LINGO2: variants seen among roughly 807,000 people sequenced by gnomAD.
LINGO2 encodes leucine-rich repeat and immunoglobulin-like domain-containing nogo receptor-interacting protein 2.
LINGO2 carries 14 observed loss-of-function variants against 30.6 expected under a neutral mutation model. The ratio of observed to expected loss-of-function variants is 0.46; its 90% CI spans 0.30 to 0.72. The LOEUF (loss-of-function observed/expected upper bound fraction) is 0.72, where lower values mean the gene tolerates loss of function less well. LINGO2 is among the 30% of genes least tolerant of loss of function. The pLI is 0.07. For missense variants in LINGO2, 729 were observed against 751.7 expected (o/e 0.97, Z 0.35); for synonymous variants, 317 against 288.5 (o/e 1.10, Z -1.00).
chr9:28,040,055 G>A (rs990965772), intron 4 of LINGO2, among the ~76,000 whole-genome samples: 1 of 152,198 alleles, frequency 6.6e-6, no homozygotes, highest in Non-Finnish European at 1.5e-5. Context: ...TTCATCCTGG[G>A]AGACTTTTTC....
At chr9:28,783,624 T>A in the LINGO2 span, among the ~76,000 whole-genome samples, 1 of 151,956 alleles carries the variant, frequency 6.6e-6, no homozygotes, top group Non-Finnish European at 1.5e-5. Context: ...GTTAGCAAAA[T>A]CTACACTGAG....
intron 3 of LINGO2, among the ~76,000 whole-genome samples, chr9:28,309,619 C>A (rs1587440383): frequency 6.7e-6 from 1 of 150,322 alleles, no homozygotes; most frequent in Non-Finnish European, 1.5e-5. Flanking sequence ...TTAGGGTAAG[C>A]TAAGATTAAT....
the LINGO2 span, among the ~76,000 whole-genome samples, chr9:29,018,277 G>C: frequency 6.6e-6 from 1 of 151,494 alleles, no homozygotes; most frequent in Non-Finnish European, 1.5e-5. Context: ...TAAAATAACA[G>C]AGCAACAGAG....
At chr9:28,005,807 G>A (rs1822237386) in intron 5 of LINGO2, among the ~76,000 whole-genome samples, 1 of 151,824 alleles carries the variant, frequency 6.6e-6, no homozygotes, top group Non-Finnish European at 1.5e-5. Context: ...CCAAGACAGA[G>A]CAGAGGAGAA....
At chr9:28,390,033 A>T (rs529758665) in intron 2 of LINGO2, among the ~76,000 whole-genome samples, 1 of 151,264 alleles carries the variant, frequency 6.6e-6, no homozygotes, top group East Asian at 1.9e-4. Flanking sequence ...ATAGTTACTT[A>T]TTTTTTTTTA....
At chr9:28,085,941 T>C (rs777216180) in intron 4 of LINGO2, among the ~76,000 whole-genome samples, 28 of 152,068 alleles carry the variant, frequency 1.8e-4, no homozygotes, top group Non-Finnish European at 3.4e-4. Context: ...TAAATCATTA[T>C]GTGAAACAAG....
the LINGO2 span, among the ~76,000 whole-genome samples, chr9:29,047,790 T>C: frequency 6.6e-6 from 1 of 152,104 alleles, no homozygotes; most frequent in East Asian, 1.9e-4. Context: ...GGATACAAAA[T>C]CAACATACAA....
chr9:28,417,379 ACATATTTTATTTG>A, intron 2 of LINGO2, among the ~76,000 whole-genome samples: 1 of 152,120 alleles, frequency 6.6e-6, no homozygotes, highest in Non-Finnish European at 1.5e-5. Context: ...GATCACTTTA[ACATATTTTATTTG>A]TTATTTATCC....
the LINGO2 span, among the ~76,000 whole-genome samples, chr9:28,975,627 G>A: frequency 1.3e-5 from 2 of 152,066 alleles, no homozygotes; most frequent in African/African-American, 4.8e-5. Context: ...GTTTCATTAT[G>A]CAGAATTATA....
the LINGO2 span, among the ~76,000 whole-genome samples, chr9:28,833,376 T>G: frequency 1.3e-5 from 2 of 152,188 alleles, no homozygotes; most frequent in African/African-American, 2.4e-5. Context: ...GGACAGTCTA[T>G]AGAAAATCAT....
rs763522694 is a variant in LINGO2, at chr9:28,003,342, T to TATATATATAG, written c.-36+9012_-36+9013insCTATATATAT. Among the ~76,000 whole-genome samples the TATATATATAG allele has an allele frequency of 1.6e-4, 22 of 141,732 alleles. No individual in the cohort carries two copies. In the South Asian group the frequency reaches 3.9e-3, roughly 25 times the overall value. The allele number at this position is 141,732 out of a possible 152,430, so 93.0% of individuals were successfully genotyped here. On this transcript the variant is annotated intron_variant, in intron 5 of 5. Coordinates refer to ENST00000379992, the Ensembl canonical transcript of LINGO2. ...TGTTAACCATATAGATATATAGATA[T>TATATATATAG]ATAGATAGATAGATAGATAGATAGA...
At chr9:28,854,635 G>A in the LINGO2 span, among the ~76,000 whole-genome samples, 3 of 151,886 alleles carry the variant, frequency 2.0e-5, no homozygotes, top group Non-Finnish European at 4.4e-5. Flanking sequence ...TTAAGTAGAA[G>A]TCCTTAACTT....
chr9:28,633,659 C>T (rs192077533), intron 1 of LINGO2, among the ~76,000 whole-genome samples: 3 of 152,258 alleles, frequency 2.0e-5, no homozygotes, highest in Admixed American at 2.0e-4. Context: ...ACTTCCTCTA[C>T]TATATTAATA....
intron 4 of LINGO2, among the ~76,000 whole-genome samples, chr9:28,236,970 G>A (rs1012645529): frequency 1.3e-5 from 2 of 151,962 alleles, no homozygotes; most frequent in Non-Finnish European, 2.9e-5. Flanking sequence ...ATTATGCATT[G>A]CATGTCTATA....
At chr9:28,390,015 C>T (rs10738796) in intron 2 of LINGO2, among the ~76,000 whole-genome samples, 124,899 of 152,088 alleles carry the variant, frequency 0.82, 51,754 homozygotes, top group Non-Finnish European at 0.88. Flanking sequence ...AGAGCCATTA[C>T]ACCAATAATA....
At chr9:28,662,476 G>GA (rs1828620920) in intron 1 of LINGO2, among the ~76,000 whole-genome samples, 3 of 152,220 alleles carry the variant, frequency 2.0e-5, no homozygotes, top group Admixed American at 1.3e-4. Flanking sequence ...AGATTTTGTA[G>GA]AAAAAACCAG....
the LINGO2 span, among the ~76,000 whole-genome samples, chr9:29,036,832 T>C: frequency 3.9e-5 from 6 of 151,992 alleles, no homozygotes; most frequent in African/African-American, 1.4e-4. Flanking sequence ...ATATATATAC[T>C]GCTTTTTCAT....
At chr9:28,865,579 G>A in the LINGO2 span, among the ~76,000 whole-genome samples, 4 of 152,062 alleles carry the variant, frequency 2.6e-5, no homozygotes, top group African/African-American at 9.7e-5. Context: ...TCAGGAGATC[G>A]AGACCATCCT....
rs2068928 is a variant in LINGO2 at position 28,209,418 on chromosome 9, A to T, written c.-87+85790T>A. ...TAATTTCCCTTGGGAATTTCTTTTC[A>T]TACTGCAGGTGGTCTCATGAACTTT... is the stretch of plus-strand genomic sequence containing the variant. On this transcript the variant is annotated intron_variant, in intron 4 of 5. Coordinates refer to ENST00000379992, the Ensembl canonical transcript of LINGO2. Among the ~76,000 whole-genome samples, 22 of 151,778 alleles carry T rather than the reference A, an allele frequency of 1.4e-4. No homozygotes were observed. In the South Asian group the frequency reaches 4.6e-3, roughly 32 times the overall value.
Sources: gnomAD v4.1 joint callset for allele counts (sites outside exome capture counted in the v4.1 genomes callset) on GRCh38, gnomAD v4.1.1 for gene constraint, MANE v1.5 for transcripts, NCBI Gene and HGNC (gene_info 2026-07-23, HGNC 2026-07-21) for gene names.